CTNNA3: variants seen among roughly 807,000 people sequenced by gnomAD.
CTNNA3 encodes catenin alpha 3, also known as catenin alpha-3.
Under a neutral mutation model 95.7 loss-of-function variants are expected in CTNNA3, and 76 were observed. The observed-to-expected ratio is 0.79, with a 90% CI of 0.66 to 0.96. The LOEUF (loss-of-function observed/expected upper bound fraction) is 0.96, where lower values mean the gene tolerates loss of function less well. Ranked by LOEUF, CTNNA3 falls within the 40% of genes least tolerant of loss-of-function variation. The pLI is 0.00. For synonymous variants in CTNNA3, 431 were observed against 374.4 expected (o/e 1.15, Z -1.74); for missense variants, 1,191 against 1,089.8 (o/e 1.09, Z -1.31).
intron 11 of CTNNA3, among the ~76,000 whole-genome samples, chr10:66,468,089 G>A (rs144295403): frequency 1.3e-5 from 2 of 151,988 alleles, no homozygotes; most frequent in East Asian, 3.9e-4. Context: ...AGAAAATAGC[G>A]ATTTTAATTT....
chr10:66,066,435 CAG>C lies in CTNNA3; in HGVS notation c.2159+2871_2159+2872del, dbSNP rs545978135. Among the ~76,000 whole-genome samples, 395 of 152,108 alleles carry C rather than the reference CAG, an allele frequency of 2.6e-3. 6 individuals carry two copies. The highest frequency in any genetic ancestry group is 9.1e-3 in the African/African-American group (377 of 41,506). On this transcript the variant is annotated intron_variant, in intron 15 of 17. Transcript: ENST00000433211. Reference sequence around the variant, plus strand: ...ATATGTGTGGAGAAAGAGAGAGAAACAGAGACAGAGAGAAAGAGAGAAGCAGA... The same window carrying C: ...ATATGTGTGGAGAAAGAGAGAGAAACAGACAGAGAGAAAGAGAGAAGCAGA...
intron 12 of CTNNA3, among the ~76,000 whole-genome samples, chr10:66,367,640 A>G (rs1421244403): frequency 6.7e-6 from 1 of 149,700 alleles, no homozygotes; most frequent in East Asian, 1.9e-4. Flanking sequence ...AATATAGGAA[A>G]TGAACAAATA....
intron 15 of CTNNA3, among the ~76,000 whole-genome samples, chr10:66,050,586 T>C (rs2079929763): frequency 6.6e-6 from 1 of 152,128 alleles, no homozygotes; most frequent in Admixed American, 6.6e-5. Context: ...CTAGGGCCAC[T>C]ATGTCCGGCT....
chr10:66,356,374 C>T (rs1021952809), intron 12 of CTNNA3, among the ~76,000 whole-genome samples: 5 of 151,546 alleles, frequency 3.3e-5, no homozygotes, highest in African/African-American at 9.7e-5. Context: ...CTTTGACTAG[C>T]GTTTTGTAGT....
intron 5 of CTNNA3, among the ~76,000 whole-genome samples, chr10:67,411,226 G>C (rs1189892477): frequency 6.6e-6 from 1 of 152,110 alleles, no homozygotes. Context: ...AAAATGAAAA[G>C]TATATGAGGT....
chr10:66,315,982 G>T (rs192665574), intron 12 of CTNNA3, among the ~76,000 whole-genome samples: 3 of 151,990 alleles, frequency 2.0e-5, no homozygotes, highest in Non-Finnish European at 4.4e-5. Context: ...CTTGAAAACC[G>T]CAACTTTAAC....
intron 2 of CTNNA3, among the ~76,000 whole-genome samples, chr10:67,620,923 GTATATA>G (rs56300519): frequency 0.088 from 10,876 of 123,888 alleles, 643 homozygotes; most frequent in South Asian, 0.19. Flanking sequence ...GTGTGTGTGT[GTATATA>G]TATATATATA....
intron 13 of CTNNA3, among the ~76,000 whole-genome samples, chr10:66,145,131 A>G (rs2083815726): frequency 6.6e-6 from 1 of 152,104 alleles, no homozygotes; most frequent in African/African-American, 2.4e-5. Context: ...GACCCTACAA[A>G]CTACTAAGTA....
At position 65,980,534 on chromosome 10, in the gene CTNNA3, AAAAAG is replaced by A. The variant is rs571615683; in HGVS notation, c.2265+8153_2265+8157del. On this transcript the variant is annotated intron_variant, in intron 16 of 17. Transcript: ENST00000433211. ...ACCAGGGAAGGACATAACAAAAAAA[AAAAAG>A]AAAAGAAAACTATAGACAAATATCC... is the stretch of plus-strand genomic sequence containing the variant. 2.4e-3 allele frequency among the ~76,000 whole-genome samples: 361 copies of A among 151,656 alleles called. 1 individual carries two copies. Among genetic ancestry groups the A allele is most frequent in the South Asian group, 4.4e-3 (21 of 4,826 alleles).
At chr10:67,523,322 G>T (rs1192828125) in intron 4 of CTNNA3, among the ~76,000 whole-genome samples, 1 of 152,202 alleles carries the variant, frequency 6.6e-6, no homozygotes, top group Non-Finnish European at 1.5e-5. Flanking sequence ...ATTCGGAAAT[G>T]AGATGGACAC....
chr10:66,081,885 G>A (rs1411684028), intron 14 of CTNNA3, among the ~76,000 whole-genome samples: 4 of 152,110 alleles, frequency 2.6e-5, no homozygotes, highest in Non-Finnish European at 5.9e-5. Context: ...GGGAGGCTGC[G>A]GTGGGCGGAT....
At chr10:66,870,131 C>T (rs1016036326) in intron 7 of CTNNA3, among the ~76,000 whole-genome samples, 2 of 152,090 alleles carry the variant, frequency 1.3e-5, no homozygotes, top group African/African-American at 4.8e-5. Context: ...GGCCATGTTT[C>T]AGCTGAGAAT....
At chr10:67,458,014 TG>T (rs1317421864) in intron 5 of CTNNA3, among the ~76,000 whole-genome samples, 1 of 152,110 alleles carries the variant, frequency 6.6e-6, no homozygotes, top group African/African-American at 2.4e-5. Context: ...TCTTGGGGGT[TG>T]GGGGGTCTAT....
At chr10:67,683,694 C>T (rs140727316) in intron 1 of CTNNA3, among the ~76,000 whole-genome samples, 511 of 152,292 alleles carry the variant, frequency 3.4e-3, no homozygotes, top group Non-Finnish European at 5.1e-3. Context: ...ACTTCAAGAA[C>T]GAAGCCACAG....
At chr10:66,471,967 A>T (rs1184513160) in intron 11 of CTNNA3, among the ~76,000 whole-genome samples, 1 of 152,012 alleles carries the variant, frequency 6.6e-6, no homozygotes, top group East Asian at 1.9e-4. Context: ...TTTCTTGCTC[A>T]ATTTCACACT....
chr10:66,305,971 G>A (rs12412858), intron 12 of CTNNA3, among the ~76,000 whole-genome samples: 10,964 of 152,146 alleles, frequency 0.072, 514 homozygotes, highest in Admixed American at 0.12. Context: ...GTCACATAGC[G>A]GCTTTTCCTA....
intron 5 of CTNNA3, among the ~76,000 whole-genome samples, chr10:67,502,674 G>A (rs1839271686): frequency 6.6e-6 from 1 of 152,204 alleles, no homozygotes; most frequent in South Asian, 2.1e-4. Flanking sequence ...GCCCAGAGAG[G>A]AGGAATCTAG....
chr10:66,596,821 G>T (rs970973996), intron 10 of CTNNA3, among the ~76,000 whole-genome samples: 1 of 152,064 alleles, frequency 6.6e-6, no homozygotes, highest in East Asian at 1.9e-4. Flanking sequence ...TAAAGTTCCA[G>T]TGACTAATCC....
At chr10:66,611,962 TGTA>T (rs1844343832) in intron 10 of CTNNA3, among the ~76,000 whole-genome samples, 1 of 152,124 alleles carries the variant, frequency 6.6e-6, no homozygotes, top group Non-Finnish European at 1.5e-5. Flanking sequence ...CTCAAGTTCT[TGTA>T]GTTTTATTTT....
Sources: gnomAD v4.1 joint callset for allele counts (sites outside exome capture counted in the v4.1 genomes callset) on GRCh38, gnomAD v4.1.1 for gene constraint, MANE v1.5 for transcripts, NCBI Gene and HGNC (gene_info 2026-07-23, HGNC 2026-07-21) for gene names.